The following OR7D2 variants were observed in gnomAD, a reference collection of about 807,000 sequenced individuals.
The protein encoded by OR7D2 is olfactory receptor family 7 subfamily D member 2.
For missense variants in OR7D2, 370 were observed against 384.1 expected (o/e 0.96, Z 0.31); for synonymous variants, 158 against 158.7 (o/e 1.00, Z 0.03).
At chr19:9,180,206 T>C (rs191797825) in intron 1 of OR7D2, among the ~76,000 whole-genome samples, 42 of 152,212 alleles carry the variant, frequency 2.8e-4, no homozygotes, top group Non-Finnish European at 4.6e-4. Context: ...TTGACTTTTT[T>C]TTTTTTTGAG....
At chr19:9,184,133 C>A (rs1282076926) in intron 2 of OR7D2, among the ~76,000 whole-genome samples, 1 of 151,824 alleles carries the variant, frequency 6.6e-6, no homozygotes, top group Non-Finnish European at 1.5e-5. Context: ...GTGGCTTACG[C>A]CTGTAATCCC....
intron 2 of OR7D2, among the ~76,000 whole-genome samples, chr19:9,181,852 T>C (rs1233606243): frequency 6.6e-6 from 1 of 152,040 alleles, no homozygotes; most frequent in East Asian, 1.9e-4. Context: ...TTTAAAGTTC[T>C]GCGTCTTTGG....
intron 2 of OR7D2, chr19:9,182,765 C>A (rs1730928801): frequency 5.9e-6 from 1 of 168,862 alleles, no homozygotes; most frequent in African/African-American, 2.4e-5. Context: ...TGGTGATCCG[C>A]CCTCCTCGGC....
intron 1 of OR7D2, among the ~76,000 whole-genome samples, chr19:9,179,927 T>C (rs1194514021): frequency 6.6e-6 from 1 of 151,646 alleles, no homozygotes; most frequent in Non-Finnish European, 1.5e-5. Context: ...TTCTTGAACC[T>C]GGGAGGCAGA....
At chr19:9,182,959 A>G in intron 2 of OR7D2, 3 of 459,376 alleles carry the variant, frequency 6.5e-6, no homozygotes, top group Non-Finnish European at 1.3e-5. Context: ...CTTTTTTGAC[A>G]ATAAATTCAT....
intron 1 of OR7D2, among the ~76,000 whole-genome samples, chr19:9,179,342 C>T (rs954533339): frequency 2.6e-5 from 4 of 152,000 alleles, no homozygotes; most frequent in Admixed American, 2.6e-4. Flanking sequence ...GAGTCTAAGA[C>T]AAGCCTGGCC....
chr19:9,182,460 C>T (rs1458418152), intron 2 of OR7D2: 11 of 291,068 alleles, frequency 3.8e-5, no homozygotes, highest in Admixed American at 3.5e-4. Flanking sequence ...GTTAGCGTAG[C>T]GAACCTTGTA....
In OR7D2 at chr19:9,186,648, C is replaced by G; in HGVS notation, c.867C>G (p.Ile289Met). Reference protein sequence around the residue: ...TVVTPMLNPFIYSLRNKDVKG... With the variant: ...TVVTPMLNPFMYSLRNKDVKG... The stretch of plus-strand genomic sequence containing the variant: ...TCACCCCCATGTTGAACCCCTTCAT[C>G]TACAGCCTGAGGAACAAGGATGTGA... Residue 289 changes from isoleucine (I) to methionine (M), a missense_variant, in exon 3 of 3, where the codon ATC becomes ATG. Transcript: ENST00000641288. 1 of 1,614,084 alleles carries G rather than the reference C, an allele frequency of 6.2e-7. No individual in the cohort carries two copies. The highest frequency in any genetic ancestry group is 8.5e-7 in the Non-Finnish European group (1 of 1,180,012).
At position 9,179,801 on chromosome 19, in the gene OR7D2, C is replaced by T. The variant is rs532654294; in HGVS notation, c.-105+678C>T. 1.1e-4 allele frequency among the ~76,000 whole-genome samples: 16 copies of T among 151,774 alleles called. No individual in the cohort carries two copies. In the East Asian group the frequency reaches 1.6e-3, roughly 15 times the overall value. On this transcript the variant is annotated intron_variant, in intron 1 of 2. Coordinates refer to ENST00000641288, the MANE Select transcript of OR7D2 (RefSeq NM_175883.4). Reference sequence around the variant, plus strand: ...CGGGTGGATCACAAGGTCAAGAGATCGAGACCATCCTGGCCAACATGGTGA... The same window carrying T: ...CGGGTGGATCACAAGGTCAAGAGATTGAGACCATCCTGGCCAACATGGTGA...
Position 9,187,502 on chromosome 19 carries a change from A to AC in OR7D2, c.*782_*783insC, listed in dbSNP as rs2051046771. 6.0e-6 allele frequency: 1 copy of AC among 165,896 alleles called. No individual in the cohort carries two copies. Among genetic ancestry groups the AC allele is most frequent in the African/African-American group, 2.5e-5 (1 of 40,752 alleles). The allele number at this position is 165,896 out of a possible 1,614,324, so 10.3% of individuals were successfully genotyped here. A position where few individuals can be genotyped will look rare whatever the true frequency, so the allele number is the denominator to read the frequency against. On this transcript the variant is annotated 3_prime_UTR_variant, in exon 3 of 3. Coordinates refer to ENST00000641288, the MANE Select transcript of OR7D2 (RefSeq NM_175883.4). ...ACATACCATGTTTTCTTTTTTTAAA[A>AC]AAATTTATTTTTATGTCAGTAGTTT...
At chr19:9,185,175 T>C (rs1279997114) in intron 2 of OR7D2, among the ~76,000 whole-genome samples, 1 of 152,198 alleles carries the variant, frequency 6.6e-6, no homozygotes, top group East Asian at 1.9e-4. Flanking sequence ...ATCAGTAGAC[T>C]GTAGCTGTTC....
chr19:9,186,024 G>T lies in OR7D2; in HGVS notation c.243G>T (p.Met81Ile), dbSNP rs763229184. Residue 81 changes from methionine (M) to isoleucine (I), a missense_variant, in exon 3 of 3, where the codon ATG (methionine) becomes ATT (isoleucine). Transcript: ENST00000641288. Reference protein sequence around the residue: ...ICFSTCIVPKMLVNIQTENKA... With the variant: ...ICFSTCIVPKILVNIQTENKA... ...TCAGCACTTGCATCGTCCCCAAGAT[G>T]CTGGTGAACATCCAGACCGAGAACA... The T allele has an allele frequency of 1.2e-6, 2 of 1,614,126 alleles. No homozygotes were observed. Among genetic ancestry groups the T allele is most frequent in the Non-Finnish European group, 8.5e-7 (1 of 1,180,016 alleles).
At chr19:9,183,822 T>G in intron 2 of OR7D2, among the ~76,000 whole-genome samples, 1 of 146,644 alleles carries the variant, frequency 6.8e-6, no homozygotes. Context: ...CCGGGCGAGG[T>G]GGCGGGCGCC....
At chr19:9,184,131 C>T (rs1246242385) in intron 2 of OR7D2, among the ~76,000 whole-genome samples, 1 of 151,408 alleles carries the variant, frequency 6.6e-6, no homozygotes, top group African/African-American at 2.4e-5. Context: ...TGGTGGCTTA[C>T]GCCTGTAATC....
chr19:9,183,294 A>T (rs574584290), intron 2 of OR7D2, among the ~76,000 whole-genome samples: 2 of 152,254 alleles, frequency 1.3e-5, no homozygotes, highest in African/African-American at 4.8e-5. Context: ...TTTTATTTTA[A>T]GACATGGTCT....
chr19:9,179,962 C>G (rs764765835), intron 1 of OR7D2, among the ~76,000 whole-genome samples: 5 of 150,940 alleles, frequency 3.3e-5, no homozygotes, highest in Non-Finnish European at 7.4e-5. Flanking sequence ...GAGATTGCAC[C>G]ATTGCACTTC....
rs757040469 is a variant in OR7D2 at position 9,186,442 on chromosome 19, A to T, written c.661A>T (p.Ile221Phe). 2.7e-5 allele frequency: 44 copies of T among 1,613,902 alleles called. No individual in the cohort carries two copies. The Admixed American group carries it at 7.3e-4, about 27-fold the overall frequency. The change falls in exon 3 of 3, where the codon ATT (isoleucine) becomes TTT (phenylalanine). Residue 221 changes from isoleucine (I) to phenylalanine (F), a missense_variant. Ile to Phe is a conservative substitution (Grantham distance 21). Coordinates refer to ENST00000641288, the MANE Select transcript of OR7D2 (RefSeq NM_175883.4). ...TGGGATCATTTTCTCTTATTCACGA[A>T]TTGCTTCATCCATAAGGAAGATGTC... ...LLGIIFSYSR[I>F]ASSIRKMSSS...
Position 9,179,122 on chromosome 19 carries a change from A to G in OR7D2, c.-106A>G, listed in dbSNP as rs776720583. The G allele has an allele frequency of 6.6e-6, 1 of 151,922 alleles. No homozygotes were observed. The highest frequency in any genetic ancestry group is 1.5e-5 in the Non-Finnish European group (1 of 67,994). 9.4% of individuals were successfully genotyped at this position (151,922 alleles called of 1,614,324 possible). ...TACCAGCATTTTTTTTTTTCAAGCA[A>G]TGTCAGTTGAGTGACTCACACTATC... On this transcript the variant is annotated splice_region_variant and 5_prime_UTR_variant, in exon 1 of 3. Transcript: ENST00000641288.
chr19:9,186,044 A>G lies in OR7D2; in HGVS notation c.263A>G (p.Glu88Gly). Residue 88 changes from glutamate (E) to glycine (G), a missense_variant, in exon 3 of 3, where the codon GAG becomes GGG. Glu to Gly is a moderately conservative substitution (Grantham distance 98). Coordinates refer to ENST00000641288, the MANE Select transcript of OR7D2 (RefSeq NM_175883.4). ...VPKMLVNIQT[E>G]NKAISYMDCL... ...AAGATGCTGGTGAACATCCAGACCG[A>G]GAACAAAGCCATCTCCTACATGGAC... is the stretch of plus-strand genomic sequence containing the variant. 1.9e-6 allele frequency: 3 copies of G among 1,614,126 alleles called. No individual in the cohort carries two copies. Among genetic ancestry groups the G allele is most frequent in the Non-Finnish European group, 2.5e-6 (3 of 1,180,026 alleles).
Sources: gnomAD v4.1 joint callset for allele counts (sites outside exome capture counted in the v4.1 genomes callset) on GRCh38, gnomAD v4.1.1 for gene constraint, MANE v1.5 for transcripts, NCBI Gene and HGNC (gene_info 2026-07-23, HGNC 2026-07-21) for gene names.